Variants in RPS6KL1 observed in about 807,000 individuals in gnomAD.
RPS6KL1 encodes the protein ribosomal protein S6 kinase like 1.
Under a neutral mutation model 57.0 loss-of-function variants are expected in RPS6KL1, and 41 were observed. That is an observed-to-expected ratio of 0.72 (90% CI 0.56 to 0.93). The LOEUF (loss-of-function observed/expected upper bound fraction) is 0.93. RPS6KL1 is among the 40% of genes least tolerant of loss of function. The pLI is 0.00. For missense variants in RPS6KL1, 697 were observed against 727.7 expected (o/e 0.96, Z 0.49); for synonymous variants, 287 against 309.7 (o/e 0.93, Z 0.77).
At chr14:74,907,290 T>TA (rs1885061539) in intron 11 of RPS6KL1, 145 bp downstream of exon 11, 3 of 1,412,014 alleles carry the variant, frequency 2.1e-6, no homozygotes, top group Non-Finnish European at 2.8e-6. Context: ...GCCACCAACA[T>TA]ATAGAAATGT....
chr14:74,914,360 C>T (rs1423254040), intron 5 of RPS6KL1, among the ~76,000 whole-genome samples: 1 of 152,208 alleles, frequency 6.6e-6, no homozygotes, highest in Non-Finnish European at 1.5e-5. Context: ...GATTCCCCAC[C>T]ACCTGGTCCT....
intron 5 of RPS6KL1, among the ~76,000 whole-genome samples, chr14:74,914,291 C>A (rs550953434): frequency 2.0e-5 from 3 of 152,228 alleles, no homozygotes; most frequent in Non-Finnish European, 2.9e-5. Context: ...TTTAGGAGAA[C>A]AGAGTTTCCC....
rs150593528 is a variant in RPS6KL1 at position 74,921,478 on chromosome 14, C to T, written c.64G>A (p.Ala22Thr). 12 of 1,614,012 alleles carry T rather than the reference C, an allele frequency of 7.4e-6. No homozygotes were observed. The highest frequency in any genetic ancestry group is 9.3e-6 in the Non-Finnish European group (11 of 1,180,018). The change falls in exon 3 of 12, where the codon GCA becomes ACA. Residue 22 changes from alanine (A) to threonine (T), a missense_variant. Physicochemically the swap from Ala to Thr is moderately conservative, Grantham distance 58. Coordinates refer to ENST00000557413, the MANE Select transcript of RPS6KL1 (RefSeq NM_031464.5). ...PGLEPEPCSR[A>T]RSQAHVYLEQ... ...AGGTACACGTGAGCTTGGGACCGTGCTCGTGAGCAAGGCTCAGGCTCCAGG... is the reference window on the plus strand; with the variant it reads ...AGGTACACGTGAGCTTGGGACCGTGTTCGTGAGCAAGGCTCAGGCTCCAGG...
chr14:74,913,338 C>T (rs886197803), intron 5 of RPS6KL1, among the ~76,000 whole-genome samples: 2 of 152,146 alleles, frequency 1.3e-5, no homozygotes, highest in African/African-American at 4.8e-5. Flanking sequence ...GGGTGGATCA[C>T]CTGAGGTCAG....
At chr14:74,907,588 A>G in intron 10 of RPS6KL1, 58 bp from the exon 11 acceptor site, 1 of 1,475,308 alleles carries the variant, frequency 6.8e-7, no homozygotes, top group South Asian at 1.3e-5. Flanking sequence ...TCTACACTCC[A>G]GTGGCAGCCA....
In RPS6KL1 at chr14:74,918,579, G is replaced by A. The variant is rs1272600652; in HGVS notation, c.417C>T (p.Pro139=). 2.6e-6 allele frequency: 4 copies of A among 1,534,166 alleles called. No homozygotes were observed. Among genetic ancestry groups the A allele is most frequent in the African/African-American group, 2.7e-5 (2 of 73,046 alleles). The change falls in exon 5 of 12, where the codon CCC becomes CCT. Residue 139 remains proline, a synonymous_variant. Coordinates refer to ENST00000557413, the MANE Select transcript of RPS6KL1 (RefSeq NM_031464.5). The part of the protein sequence containing the change: ...SAGFSSLRLR[P]IRTLSSAVEQ... ...CCACGGCAGAGCTCAGCGTGCGAAT[G>A]GGCCGGAGCCTCAGGCTGCTGAAAC...
rs917189514 is a variant in RPS6KL1 at position 74,909,089 on chromosome 14, C to G, written c.1360+12G>C. 1.9e-6 allele frequency: 3 copies of G among 1,613,404 alleles called. No individual in the cohort carries two copies. Among genetic ancestry groups the G allele is most frequent in the Non-Finnish European group, 2.5e-6 (3 of 1,179,476 alleles). ...AGGTGCTAAGGCCCACCCTGGCCTC[C>G]CCCCTTCTTGCCTGGGGCGCTGTAG... On this transcript the variant is annotated intron_variant, in intron 9 of 11. Transcript: ENST00000557413.
rs182213411 is a variant in RPS6KL1, at chr14:74,907,091, T to C, written c.1573A>G (p.Met525Val). 1.2e-5 allele frequency: 20 copies of C among 1,613,676 alleles called. No homozygotes were observed. In the Admixed American group the frequency reaches 2.0e-4, roughly 16 times the overall value. ...LQFEPTRRLG[M>V]GEGGVSKLKS... ...AGTTTGCTGACACCACCTTCTCCCA[T>C]GCCCAGGCGCCGGGTAGGCTCGAAC... The change falls in exon 12 of 12, where the codon ATG (methionine) becomes GTG (valine). Residue 525 changes from methionine (M) to valine (V), a missense_variant. Met to Val is a conservative substitution (Grantham distance 21, BLOSUM62 1). Transcript: ENST00000557413.
intron 4 of RPS6KL1, 108 bp downstream of exon 4, chr14:74,919,737 G>C (rs1594952727): frequency 7.2e-6 from 9 of 1,245,736 alleles, no homozygotes; most frequent in Non-Finnish European, 1.0e-5. Flanking sequence ...TTCCACTGCC[G>C]GCCTCTGCCC....
At position 74,919,921 on chromosome 14, in the gene RPS6KL1, T is replaced by C. The variant is rs771671582; in HGVS notation, c.314A>G (p.Lys105Arg). The C allele has an allele frequency of 1.9e-6, 3 of 1,613,878 alleles. No homozygotes were observed. In the Admixed American group the frequency reaches 5.0e-5, roughly 27 times the overall value. The change falls in exon 4 of 12, where the codon AAA becomes AGA. Residue 105 changes from lysine (K) to arginine (R), a missense_variant. Transcript: ENST00000557413. The part of the protein sequence containing the change: ...RREAVKLKIT[K>R]YLRRAEEIFN... The stretch of plus-strand genomic sequence containing the variant: ...GATCTCCTCTGCCCGCCGCAGGTAT[T>C]TGGTAATTTTCAGCTTCACAGCCTC...
At position 74,906,842 on chromosome 14, in the gene RPS6KL1, C is replaced by G. The variant is rs944422622; in HGVS notation, c.*172G>C. The G allele has an allele frequency of 2.1e-5, 16 of 755,544 alleles. No homozygotes were observed. Among genetic ancestry groups the G allele is most frequent in the Non-Finnish European group, 3.6e-5 (15 of 411,938 alleles). 46.8% of individuals were successfully genotyped at this position (755,544 alleles called of 1,614,324 possible). ...CAGCTTTTCCAGGAGCTGGCCCTTC[C>G]TGGGTGGTGGCCATAATTCTGAGGC... On this transcript the variant is annotated 3_prime_UTR_variant, in exon 12 of 12. Transcript: ENST00000557413.
In RPS6KL1 at chr14:74,905,865, G is replaced by A. The variant is rs1234353749; in HGVS notation, c.*1149C>T. 2 of 153,380 alleles carry A rather than the reference G, an allele frequency of 1.3e-5. No individual in the cohort carries two copies. Among genetic ancestry groups the A allele is most frequent in the Middle Eastern group, 3.4e-3 (1 of 298 alleles). 9.5% of individuals were successfully genotyped at this position (153,380 alleles called of 1,614,324 possible). The stretch of plus-strand genomic sequence containing the variant: ...ACCGTGTCAGAAGCGCCACCTGGTG[G>A]TGACTGGGATGCTGGCAGGGAGGAG... On this transcript the variant is annotated 3_prime_UTR_variant, in exon 12 of 12. Transcript: ENST00000557413.
At chr14:74,910,371 A>AT in intron 7 of RPS6KL1, 1 of 268,966 alleles carries the variant, frequency 3.7e-6, no homozygotes, top group Non-Finnish European at 6.4e-6. Flanking sequence ...CAGCCTTACA[A>AT]ACTGGCACAC....
rs146765702 is a variant in RPS6KL1 at position 74,910,168 on chromosome 14, C to T, written c.665-20G>A. 1.6e-3 allele frequency: 2,418 copies of T among 1,499,674 alleles called. 24 individuals are homozygous for T. The Middle Eastern group carries it at 0.021, about 13-fold the overall frequency. 92.9% of individuals were successfully genotyped at this position (1,499,674 alleles called of 1,614,324 possible). On this transcript the variant is annotated intron_variant, in intron 7 of 11. Coordinates refer to ENST00000557413, the MANE Select transcript of RPS6KL1 (RefSeq NM_031464.5). ...TGCCTCCTGGGCCATGCAGAGGGAGCGGTGAGCGTGGGGACAGGGAGAAAA... is the reference window on the plus strand; with the variant it reads ...TGCCTCCTGGGCCATGCAGAGGGAGTGGTGAGCGTGGGGACAGGGAGAAAA...
intron 3 of RPS6KL1, 39 bp downstream of exon 3, chr14:74,921,238 T>TGCCCCCCCCCCCCCCCCCCCCCCCCC: frequency 8.3e-6 from 7 of 840,116 alleles, no homozygotes; most frequent in East Asian, 5.3e-5. Flanking sequence ...CACTGGCCCT[T>TGCCCCCCCCCCCCCCCCCCCCCCCCC]CCCCACCCAC....
chr14:74,921,238 T>TACCCCCCCCCCCCCCC, intron 3 of RPS6KL1, 39 bp downstream of exon 3: 1 of 840,184 alleles, frequency 1.2e-6, no homozygotes, highest in East Asian at 2.6e-5. Context: ...CACTGGCCCT[T>TACCCCCCCCCCCCCCC]CCCCACCCAC....
At chr14:74,919,775 C>A in intron 4 of RPS6KL1, 70 bp downstream of exon 4, 1 of 1,551,888 alleles carries the variant, frequency 6.4e-7, no homozygotes, top group East Asian at 2.3e-5. Context: ...CTGTGGGTGT[C>A]GGGGCCTCCG....
chr14:74,906,919 C>A lies in RPS6KL1; in HGVS notation c.*95G>T. 1 of 984,642 alleles carries A rather than the reference C, an allele frequency of 1.0e-6. No homozygotes were observed. The highest frequency in any genetic ancestry group is 1.6e-6 in the Non-Finnish European group (1 of 619,968). 61.0% of individuals were successfully genotyped at this position (984,642 alleles called of 1,614,324 possible). On this transcript the variant is annotated 3_prime_UTR_variant, in exon 12 of 12. Coordinates refer to ENST00000557413, the MANE Select transcript of RPS6KL1 (RefSeq NM_031464.5). The stretch of plus-strand genomic sequence containing the variant: ...AGTGCCCTCCATTCCTCGCCCAAAG[C>A]CCGCTGATAGAGGGCCAGCCCTGGG...
chr14:74,911,546 C>T, intron 6 of RPS6KL1, 166 bp from the exon 7 acceptor site: 1 of 788,276 alleles, frequency 1.3e-6, no homozygotes, highest in South Asian at 1.7e-5. Flanking sequence ...AATCTGGGTC[C>T]TCCACCCTCT....
Sources: allele counts gnomAD v4.1 joint callset (sites outside exome capture counted in the v4.1 genomes callset), GRCh38; gene constraint gnomAD v4.1.1; transcripts MANE v1.5; gene names NCBI Gene and HGNC (gene_info 2026-07-23, HGNC 2026-07-21).